Variants in MTMR7 observed in about 807,000 individuals in gnomAD.
MTMR7 encodes the protein phosphatidylinositol-3-phosphate phosphatase MTMR7.
MTMR7 carries 76 observed loss-of-function variants against 81.2 expected under a neutral mutation model. That is an observed-to-expected ratio of 0.94 (90% CI 0.78 to 1.13). MTMR7 has a LOEUF of 1.13. Ranked by LOEUF, MTMR7 falls within the 50% of genes most tolerant of loss-of-function variation. The pLI, the probability that MTMR7 is intolerant of heterozygous loss-of-function variation, is 0.00. For synonymous variants in MTMR7, 372 were observed against 289.8 expected, an observed-to-expected ratio of 1.28 and a Z score of -2.88; for missense variants, 1,044 against 820.0, an observed-to-expected ratio of 1.27 and a Z score of -3.34.
At chr8:17,393,194 A>T (rs922474281) in intron 1 of MTMR7, among the ~76,000 whole-genome samples, 1 of 152,182 alleles carries the variant, frequency 6.6e-6, no homozygotes, top group Non-Finnish European at 1.5e-5. Context: ...TACTTTCAAT[A>T]AATGCTGCTG....
chr8:17,338,858 G>C (rs1436913262), intron 6 of MTMR7: 1 of 151,948 alleles, frequency 6.6e-6, no homozygotes, highest in Non-Finnish European at 1.5e-5. Context: ...TTTCATCACT[G>C]ATCTCCAGGA....
Position 17,307,424 on chromosome 8 carries a change from T to G in MTMR7, c.1152-1467A>C, listed in dbSNP as rs558723519. ...AGGATGTGAAGAAATAGGAACACTT[T>G]TACACTGTTGGTGGGACTGTAAACT... On this transcript the variant is annotated intron_variant, in intron 10 of 13. Transcript: ENST00000180173. Among the ~76,000 whole-genome samples the G allele has an allele frequency of 1.7e-3, 254 of 152,258 alleles. 1 individual carries two copies. The highest frequency in any genetic ancestry group is 5.9e-3 in the African/African-American group (243 of 41,536).
At chr8:17,374,073 C>T (rs912016010) in intron 1 of MTMR7, among the ~76,000 whole-genome samples, 1 of 152,220 alleles carries the variant, frequency 6.6e-6, no homozygotes, top group Non-Finnish European at 1.5e-5. Flanking sequence ...AGCAATCCTA[C>T]CACTGCCAAG....
Position 17,347,070 on chromosome 8 carries a change from C to T in MTMR7, c.597+1883G>A, listed in dbSNP as rs1319083221. Reference sequence around the variant, plus strand: ...AATTAGCTGGGCCGGGTGGCACACGCGTGGTCCCAGTGACTCGGGAGGCTG... The same window carrying T: ...AATTAGCTGGGCCGGGTGGCACACGTGTGGTCCCAGTGACTCGGGAGGCTG... On this transcript the variant is annotated intron_variant, in intron 5 of 13. Transcript: ENST00000180173. Among the ~76,000 whole-genome samples the T allele has an allele frequency of 7.9e-5, 12 of 151,410 alleles. 1 individual carries two copies. The highest frequency in any genetic ancestry group is 6.3e-4 in the South Asian group (3 of 4,788).
At chr8:17,393,897 T>C (rs1821174729) in intron 1 of MTMR7, among the ~76,000 whole-genome samples, 1 of 152,110 alleles carries the variant, frequency 6.6e-6, no homozygotes, top group Admixed American at 6.6e-5. Flanking sequence ...CAAAGAATCT[T>C]AACAGATATT....
At chr8:17,351,711 T>G (rs528123389) in intron 4 of MTMR7, among the ~76,000 whole-genome samples, 2 of 152,302 alleles carry the variant, frequency 1.3e-5, no homozygotes, top group East Asian at 3.9e-4. Context: ...AAAAGCTCCA[T>G]GGGTCACAGC....
intron 1 of MTMR7, among the ~76,000 whole-genome samples, chr8:17,402,028 T>C (rs552596112): frequency 6.6e-6 from 1 of 152,172 alleles, no homozygotes; most frequent in Non-Finnish European, 1.5e-5. Context: ...CTTTTGAAAG[T>C]AGTCTGATAT....
intron 6 of MTMR7, among the ~76,000 whole-genome samples, chr8:17,335,274 C>T (rs1012496847): frequency 6.6e-6 from 1 of 152,070 alleles, no homozygotes; most frequent in Admixed American, 6.5e-5. Flanking sequence ...TCCTTCAAAC[C>T]GGCATGGAAC....
chr8:17,303,306 T>C (rs1201491711), intron 12 of MTMR7, among the ~76,000 whole-genome samples: 1 of 152,162 alleles, frequency 6.6e-6, no homozygotes, highest in Non-Finnish European at 1.5e-5. Flanking sequence ...TTTAGTATGA[T>C]AGAATATTCT....
chr8:17,408,959 T>C (rs996322220), intron 1 of MTMR7, among the ~76,000 whole-genome samples: 5 of 152,118 alleles, frequency 3.3e-5, no homozygotes, highest in African/African-American at 1.2e-4. Flanking sequence ...ATAAAAATGG[T>C]GAATTTTACA....
At chr8:17,399,063 C>T (rs1232536026) in intron 1 of MTMR7, among the ~76,000 whole-genome samples, 2 of 152,000 alleles carry the variant, frequency 1.3e-5, no homozygotes, top group Non-Finnish European at 2.9e-5. Context: ...TGTCTACGAT[C>T]TGGAACACAG....
At chr8:17,377,916 G>A (rs1036594959) in intron 1 of MTMR7, among the ~76,000 whole-genome samples, 1 of 152,100 alleles carries the variant, frequency 6.6e-6, no homozygotes, top group Non-Finnish European at 1.5e-5. Flanking sequence ...AGAAAAATAA[G>A]GGGATAGAAA....
At chr8:17,374,030 CA>C (rs1820498296) in intron 1 of MTMR7, among the ~76,000 whole-genome samples, 1 of 152,188 alleles carries the variant, frequency 6.6e-6, no homozygotes, top group African/African-American at 2.4e-5. Context: ...CCATAACCAC[CA>C]GAGGAACATT....
chr8:17,396,944 C>G (rs763481073), intron 1 of MTMR7, among the ~76,000 whole-genome samples: 4 of 151,852 alleles, frequency 2.6e-5, no homozygotes, highest in Admixed American at 1.3e-4. Flanking sequence ...GCCTTAGCTC[C>G]CAGATGACAT....
At chr8:17,371,343 C>G in intron 2 of MTMR7, 144 bp from the exon 3 acceptor site, 1 of 832,212 alleles carries the variant, frequency 1.2e-6, no homozygotes, top group Non-Finnish European at 1.8e-6. Flanking sequence ...AGATGACAAG[C>G]ACTGAGATGT....
chr8:17,317,903 A>T (rs1013892878), intron 7 of MTMR7, among the ~76,000 whole-genome samples: 9 of 151,148 alleles, frequency 6.0e-5, no homozygotes, highest in African/African-American at 2.2e-4. Flanking sequence ...GTCCTTCTGT[A>T]TTTTTGCCTT....
chr8:17,405,880 C>CAAA (rs1821568137), intron 1 of MTMR7, among the ~76,000 whole-genome samples: 1 of 52,966 alleles, frequency 1.9e-5, no homozygotes. Flanking sequence ...ACACACACAC[C>CAAA]ACAGAGAAAA....
chr8:17,393,463 C>T (rs900640336), intron 1 of MTMR7, among the ~76,000 whole-genome samples: 1 of 152,088 alleles, frequency 6.6e-6, no homozygotes, highest in East Asian at 1.9e-4. Flanking sequence ...AAAATATTTG[C>T]AAGTCACATA....
At chr8:17,320,668 C>T (rs901988835) in intron 7 of MTMR7, among the ~76,000 whole-genome samples, 6 of 152,198 alleles carry the variant, frequency 3.9e-5, no homozygotes, top group Non-Finnish European at 7.3e-5. Context: ...GTGCCAGCCC[C>T]GAGTTAAAAC....
Sources: allele counts gnomAD v4.1 joint callset (sites outside exome capture counted in the v4.1 genomes callset), GRCh38; gene constraint gnomAD v4.1.1; transcripts MANE v1.5; gene names NCBI Gene and HGNC (gene_info 2026-07-23, HGNC 2026-07-21).